DNAH5: variants seen among roughly 807,000 people sequenced by gnomAD.
DNAH5 encodes dynein axonemal heavy chain 5, also known as axonemal beta dynein heavy chain 5.
A neutral mutation model predicts 518.2 loss-of-function variants in DNAH5; 372 were observed. The observed-to-expected ratio is 0.72, with a 90% confidence interval of 0.66 to 0.78. DNAH5 has a LOEUF of 0.78. Ranked by LOEUF, DNAH5 falls within the 30% of genes least tolerant of loss-of-function variation. The probability of loss-of-function intolerance (pLI) is 0.00; values close to 1 mark genes in which losing one functional copy is unlikely to be tolerated. For missense variants in DNAH5, 5,523 were observed against 5,687.0 expected, an observed-to-expected ratio of 0.97 and a Z score of 0.93; for synonymous variants, 2,039 against 2,025.9, an observed-to-expected ratio of 1.01 and a Z score of -0.17.
intron 47 of DNAH5, among the ~76,000 whole-genome samples, chr5:13,806,439 G>A (rs1352248287): frequency 1.3e-5 from 2 of 152,230 alleles, no homozygotes; most frequent in African/African-American, 2.4e-5. Flanking sequence ...TTGGCACTCC[G>A]CTGTCACCAA....
At chr5:13,864,193 G>A (rs1380543353) in intron 28 of DNAH5, among the ~76,000 whole-genome samples, 1 of 152,208 alleles carries the variant, frequency 6.6e-6, no homozygotes, top group Non-Finnish European at 1.5e-5. Flanking sequence ...ATCTGTAAAT[G>A]CAGGACTGCA....
At chr5:13,947,373 C>G (rs1780013373), upstream of DNAH5, among the ~76,000 whole-genome samples, 1 of 152,112 alleles carries the variant, frequency 6.6e-6, no homozygotes, top group Admixed American at 6.5e-5. Context: ...GTCAGACAGA[C>G]CTGAACTTAA....
intron 70 of DNAH5, 51 bp downstream of exon 70, chr5:13,727,456 A>C (rs368942443): frequency 6.6e-7 from 1 of 1,515,840 alleles, no homozygotes; most frequent in African/African-American, 1.4e-5. Flanking sequence ...TTAAAAGAAA[A>C]TTCTCTTTAA....
At chr5:13,768,020 T>C (rs550829891) in intron 58 of DNAH5, among the ~76,000 whole-genome samples, 1 of 152,366 alleles carries the variant, frequency 6.6e-6, no homozygotes, top group East Asian at 1.9e-4. Context: ...TCTTCAAAAC[T>C]GGACCAGCCT....
chr5:13,847,401 T>C (rs1766153792), intron 31 of DNAH5, among the ~76,000 whole-genome samples: 1 of 150,604 alleles, frequency 6.6e-6, no homozygotes, highest in Non-Finnish European at 1.5e-5. Flanking sequence ...CAGAATAGAA[T>C]ATGTTCATAG....
intron 78 of DNAH5, among the ~76,000 whole-genome samples, chr5:13,699,605 T>G (rs940094654): frequency 7.9e-5 from 12 of 152,126 alleles, no homozygotes; most frequent in Non-Finnish European, 1.2e-4. Context: ...TCCCAGCTAC[T>G]CAGGAGGCTG....
chr5:13,968,002 C>A (rs1781637420), intron 1 of DNAH5, among the ~76,000 whole-genome samples: 1 of 152,108 alleles, frequency 6.6e-6, no homozygotes, highest in South Asian at 2.1e-4. Context: ...CAGTAGTGTT[C>A]TGTAGTTTTC....
chr5:13,726,564 C>A (rs1253047174), intron 70 of DNAH5, among the ~76,000 whole-genome samples: 3 of 152,140 alleles, frequency 2.0e-5, no homozygotes, highest in African/African-American at 7.2e-5. Flanking sequence ...ATAAGGCAAC[C>A]ATTTCACAAT....
intron 26 of DNAH5, 64 bp downstream of exon 26, chr5:13,866,156 T>C: frequency 6.8e-7 from 1 of 1,473,002 alleles, no homozygotes; most frequent in South Asian, 1.2e-5. Flanking sequence ...GAAGAAAACA[T>C]ATGTGTGTTT....
chr5:13,946,138 G>A (rs193154807), upstream of DNAH5, among the ~76,000 whole-genome samples: 1 of 152,046 alleles, frequency 6.6e-6, no homozygotes, highest in Non-Finnish European at 1.5e-5. Flanking sequence ...TCATTACATC[G>A]CCGATTATCT....
At chr5:13,695,881 T>C (rs1231106094) in intron 78 of DNAH5, among the ~76,000 whole-genome samples, 2 of 152,000 alleles carry the variant, frequency 1.3e-5, no homozygotes, top group African/African-American at 4.8e-5. Flanking sequence ...CACACGCACA[T>C]ACACACACAT....
At chr5:13,698,018 A>G (rs1741594896) in intron 78 of DNAH5, among the ~76,000 whole-genome samples, 1 of 152,218 alleles carries the variant, frequency 6.6e-6, no homozygotes, top group Admixed American at 6.5e-5. Flanking sequence ...TCCCTTATGA[A>G]TGAATTAATG....
Position 13,776,689 on chromosome 5 carries a change from A to C in DNAH5, c.9123T>G (p.Ala3041=), listed in dbSNP as rs1038405124. 6.2e-7 allele frequency: 1 copy of C among 1,613,690 alleles called. No homozygotes were observed. Residue 3041 remains alanine, a synonymous_variant, in exon 55 of 79, where the codon GCT becomes GCG. Coordinates refer to ENST00000265104, the MANE Select transcript of DNAH5 (RefSeq NM_001369.3). ...TATTAATTTCATCAATTTCATCTCG[A>C]GCAAATAGGTTAGAGACCTTAAAAA... The part of the protein sequence containing the change: ...LSSGEVSNLF[A]RDEIDEINSD...
At chr5:13,894,895 C>T in intron 15 of DNAH5, 74 bp from the exon 16 acceptor site, 8 of 1,526,946 alleles carry the variant, frequency 5.2e-6, no homozygotes, top group Non-Finnish European at 7.2e-6. Flanking sequence ...ATGTCTTATA[C>T]AAAATGACTA....
chr5:13,919,077 A>G (rs1580886205), intron 7 of DNAH5, 99 bp downstream of exon 7: 1 of 1,408,886 alleles, frequency 7.1e-7, no homozygotes, highest in Non-Finnish European at 1.0e-6. Context: ...TCATCAAGGT[A>G]TAATAACATT....
intron 42 of DNAH5, among the ~76,000 whole-genome samples, chr5:13,816,779 A>G (rs17265690): frequency 0.011 from 1,683 of 152,270 alleles, 15 homozygotes; most frequent in Non-Finnish European, 0.016. Flanking sequence ...CAATGGTACT[A>G]CTTTAAACAT....
intron 24 of DNAH5, among the ~76,000 whole-genome samples, chr5:13,870,485 G>C (rs1421190081): frequency 6.6e-6 from 1 of 152,114 alleles, no homozygotes; most frequent in African/African-American, 2.4e-5. Flanking sequence ...TTCCTTTCCT[G>C]ATTCCCTCGC....
intron 61 of DNAH5, among the ~76,000 whole-genome samples, chr5:13,757,695 T>G (rs956746495): frequency 6.6e-6 from 1 of 152,112 alleles, no homozygotes; most frequent in Admixed American, 6.5e-5. Flanking sequence ...TTAAAGAAAT[T>G]CACAATTTAA....
chr5:14,010,306 C>G (rs903288616), intron 1 of DNAH5, among the ~76,000 whole-genome samples: 13 of 152,046 alleles, frequency 8.6e-5, no homozygotes, highest in Admixed American at 6.6e-4. Context: ...TCTTTAAGTT[C>G]AACTCGAACA....
Sources: gnomAD v4.1 joint callset for allele counts (sites outside exome capture counted in the v4.1 genomes callset) on GRCh38, gnomAD v4.1.1 for gene constraint, MANE v1.5 for transcripts, NCBI Gene and HGNC (gene_info 2026-07-23, HGNC 2026-07-21) for gene names.